The following PPP1R3A variants were observed in gnomAD, a reference collection of about 807,000 sequenced individuals.
PPP1R3A encodes the protein protein phosphatase 1 regulatory subunit 3A, also known as RG1.
A neutral mutation model predicts 41.7 loss-of-function variants in PPP1R3A; 29 were observed. That is an observed-to-expected ratio of 0.70 (90% confidence interval 0.52 to 0.95). The LOEUF (loss-of-function observed/expected upper bound fraction) is 0.95. PPP1R3A is among the 40% of genes least tolerant of loss of function. The pLI is 0.00. For missense variants in PPP1R3A, 1,352 were observed against 1,292.4 expected, an observed-to-expected ratio of 1.05 and a Z score of -0.71; for synonymous variants, 485 against 453.4, an observed-to-expected ratio of 1.07 and a Z score of -0.89.
At chr7:113,880,753 T>A (rs1405157977) in intron 3 of PPP1R3A, among the ~76,000 whole-genome samples, 13 of 151,646 alleles carry the variant, frequency 8.6e-5, no homozygotes, top group Non-Finnish European at 1.5e-5. Context: ...ATTTGCATGA[T>A]CTCAATAATT....
At chr7:113,884,356 T>A (rs1267469134) in intron 1 of PPP1R3A, among the ~76,000 whole-genome samples, 5 of 152,014 alleles carry the variant, frequency 3.3e-5, no homozygotes, top group Admixed American at 3.3e-4. Context: ...TTTTATCAGA[T>A]TAAGTATTTT....
chr7:113,878,668 A>T lies in PPP1R3A; in HGVS notation c.2424T>A (p.Gly808=). The change falls in exon 4 of 4, where the codon GGT becomes GGA. Residue 808 remains glycine, a synonymous_variant. Coordinates refer to ENST00000284601, the MANE Select transcript of PPP1R3A (RefSeq NM_002711.4). ...DNDFEKESRL[G]ICNVRVDEME... is the part of the protein sequence containing the mutation. ...TTTCATCTACACGTACATTACAAAT[A>T]CCTAAACGTGATTCCTTTTCAAAAT... 6.2e-7 allele frequency: 1 copy of T among 1,613,376 alleles called. No homozygotes were observed. The highest frequency in any genetic ancestry group is 2.2e-5 in the East Asian group (1 of 44,838).
chr7:113,901,201 A>G (rs188305578), intron 1 of PPP1R3A, among the ~76,000 whole-genome samples: 1 of 151,788 alleles, frequency 6.6e-6, no homozygotes, highest in Admixed American at 6.6e-5. Context: ...GTAGTGACTT[A>G]TTTCTGTGTG....
Position 113,877,749 on chromosome 7 carries a change from G to A in PPP1R3A, c.3343C>T (p.Gln1115Ter), listed in dbSNP as rs763076463. 6.4e-6 allele frequency: 10 copies of A among 1,568,498 alleles called. No homozygotes were observed. Among genetic ancestry groups the A allele is most frequent in the Non-Finnish European group, 7.8e-6 (9 of 1,160,016 alleles). The change falls in exon 4 of 4, where the codon CAA becomes TAA. Residue 1115 changes from glutamine to a stop codon, truncating the protein, a stop_gained. Coordinates refer to ENST00000284601, the MANE Select transcript of PPP1R3A (RefSeq NM_002711.4). LOFTEE classifies it high-confidence loss of function. The part of the protein sequence containing the change: ...LSWLSWEEGR[Q>*]KESVKKK ...TACTTCTTTTTGACAGACTCTTTTT[G>A]TCTACCCTCTTCCCAGGATAGCCAG...
At chr7:113,898,368 G>C (rs980731638) in intron 1 of PPP1R3A, among the ~76,000 whole-genome samples, 14 of 151,772 alleles carry the variant, frequency 9.2e-5, no homozygotes, top group African/African-American at 3.1e-4. Context: ...CTGGCAGAGG[G>C]AGCATTTTGT....
chr7:113,880,935 A>G (rs1216811023), intron 3 of PPP1R3A, among the ~76,000 whole-genome samples: 1 of 152,178 alleles, frequency 6.6e-6, no homozygotes, highest in Admixed American at 6.6e-5. Flanking sequence ...GCAAATTAGC[A>G]TCTAAATTAC....
chr7:113,884,329 C>A (rs954330163), intron 1 of PPP1R3A, among the ~76,000 whole-genome samples: 1 of 151,740 alleles, frequency 6.6e-6, no homozygotes, highest in Non-Finnish European at 1.5e-5. Context: ...TGAGAAATAG[C>A]AGGGAGGAGG....
At chr7:113,903,497 C>T (rs1466895338) in intron 1 of PPP1R3A, among the ~76,000 whole-genome samples, 1 of 151,578 alleles carries the variant, frequency 6.6e-6, no homozygotes, top group Non-Finnish European at 1.5e-5. Flanking sequence ...CCAAAATATG[C>T]CCTGTAAGTA....
intron 1 of PPP1R3A, among the ~76,000 whole-genome samples, chr7:113,899,643 T>A (rs1192425418): frequency 1.3e-5 from 2 of 151,966 alleles, no homozygotes; most frequent in Admixed American, 6.6e-5. Context: ...TGTCCTTTGT[T>A]TACATCAGTC....
At chr7:113,896,175 T>C (rs930484276) in intron 1 of PPP1R3A, among the ~76,000 whole-genome samples, 3 of 151,904 alleles carry the variant, frequency 2.0e-5, no homozygotes, top group African/African-American at 7.2e-5. Flanking sequence ...CACTGAGGCA[T>C]ACCTCACAAA....
chr7:113,910,112 C>T (rs368610999), intron 1 of PPP1R3A, among the ~76,000 whole-genome samples: 15 of 152,072 alleles, frequency 9.9e-5, no homozygotes, highest in Admixed American at 3.3e-4. Context: ...TCAGATCTCA[C>T]GAGATTTATT....
rs925170226 is a variant in PPP1R3A at position 113,876,960 on chromosome 7, G to A, written c.*763C>T. ...ATTCTGAATAGTTGACACTGAAATA[G>A]TTCAGCTGTGTTACAGTCTTCCCTC... On this transcript the variant is annotated 3_prime_UTR_variant, in exon 4 of 4. Transcript: ENST00000284601. 3 of 151,918 alleles carry A rather than the reference G, an allele frequency of 2.0e-5. No individual in the cohort carries two copies. The highest frequency in any genetic ancestry group is 7.2e-5 in the African/African-American group (3 of 41,400). The allele number at this position is 151,918 out of a possible 1,614,324, so 9.4% of individuals were successfully genotyped here. A position where few individuals can be genotyped will look rare whatever the true frequency, so the allele number is the denominator to read the frequency against.
chr7:113,913,299 C>G (rs1797282424), intron 1 of PPP1R3A, among the ~76,000 whole-genome samples: 1 of 152,124 alleles, frequency 6.6e-6, no homozygotes, highest in African/African-American at 2.4e-5. Context: ...TCCAACAGCT[C>G]TGACTGAAAC....
chr7:113,907,170 A>C (rs924866623), intron 1 of PPP1R3A, among the ~76,000 whole-genome samples: 2 of 151,722 alleles, frequency 1.3e-5, no homozygotes, highest in African/African-American at 4.8e-5. Flanking sequence ...TATTAATAGG[A>C]TTGTTAAACC....
At chr7:113,901,929 T>C (rs1347619543) in intron 1 of PPP1R3A, among the ~76,000 whole-genome samples, 10 of 151,866 alleles carry the variant, frequency 6.6e-5, no homozygotes, top group Non-Finnish European at 1.2e-4. Context: ...TTGCAAACTA[T>C]GAACATCAAA....
Position 113,879,338 on chromosome 7 carries a change from G to C in PPP1R3A, c.1754C>G (p.Pro585Arg). Reference protein sequence around the residue: ...RAITADVSHSPRTNLSWEEAV... With the variant: ...RAITADVSHSRRTNLSWEEAV... ...TTCTTCCCAACTTAAATTTGTCCTT[G>C]GTGAATGAGACACATCTGCTGTGAT... The change falls in exon 4 of 4, where the codon CCA (proline) becomes CGA (arginine). Residue 585 changes from proline (P) to arginine (R), a missense_variant. Physicochemically the swap from Pro to Arg is moderately radical, Grantham distance 103 (BLOSUM62 -2). Coordinates refer to ENST00000284601, the MANE Select transcript of PPP1R3A (RefSeq NM_002711.4). 6.2e-7 allele frequency: 1 copy of C among 1,613,548 alleles called. No homozygotes were observed. Among genetic ancestry groups the C allele is most frequent in the African/African-American group, 1.3e-5 (1 of 74,974 alleles).
Position 113,879,335 on chromosome 7 carries a change from C to T in PPP1R3A, c.1757G>A (p.Arg586Lys). ...AITADVSHSP[R>K]TNLSWEEAVL... ...AGCTTCTTCCCAACTTAAATTTGTC[C>T]TTGGTGAATGAGACACATCTGCTGT... The change falls in exon 4 of 4, where the codon AGG becomes AAG. Residue 586 changes from arginine (R) to lysine (K), a missense_variant. Arg to Lys is a conservative substitution (Grantham distance 26). Transcript: ENST00000284601. 6.2e-7 allele frequency: 1 copy of T among 1,613,564 alleles called. No individual in the cohort carries two copies. Among genetic ancestry groups the T allele is most frequent in the Non-Finnish European group, 8.5e-7 (1 of 1,179,710 alleles).
At chr7:113,896,759 A>C (rs1796982026) in intron 1 of PPP1R3A, among the ~76,000 whole-genome samples, 1 of 151,882 alleles carries the variant, frequency 6.6e-6, no homozygotes, top group African/African-American at 2.4e-5. Flanking sequence ...TAAGCCACTC[A>C]ATGTCTGGCA....
At chr7:113,905,347 AT>A (rs1402958356) in intron 1 of PPP1R3A, among the ~76,000 whole-genome samples, 9 of 151,700 alleles carry the variant, frequency 5.9e-5, no homozygotes, top group African/African-American at 2.2e-4. Context: ...AATATTTAAG[AT>A]GTTTTATATT....
Sources: allele counts gnomAD v4.1 joint callset (sites outside exome capture counted in the v4.1 genomes callset), GRCh38; gene constraint gnomAD v4.1.1; transcripts MANE v1.5; gene names NCBI Gene and HGNC (gene_info 2026-07-23, HGNC 2026-07-21).